MAML3: variants seen among roughly 807,000 people sequenced by gnomAD.
MAML3 encodes the protein mastermind-like protein 3.
A neutral mutation model predicts 101.9 loss-of-function variants in MAML3; 27 were observed. That is an observed-to-expected ratio of 0.27 (90% CI 0.20 to 0.37). The LOEUF is 0.37. Ranked by LOEUF, MAML3 falls within the 10% of genes least tolerant of loss-of-function variation. MAML3 has a pLI of 1.00. For synonymous variants in MAML3, 501 were observed against 555.9 expected (o/e 0.90, Z 1.39); for missense variants, 1,316 against 1,444.9 (o/e 0.91, Z 1.45).
intron 1 of MAML3, among the ~76,000 whole-genome samples, chr4:139,984,345 G>C (rs1734497698): frequency 6.6e-6 from 1 of 152,168 alleles, no homozygotes; most frequent in South Asian, 2.1e-4. Context: ...GAAAGAAAAG[G>C]ATAGTAACCA....
intron 2 of MAML3, among the ~76,000 whole-genome samples, chr4:139,877,682 T>G (rs991183075): frequency 2.0e-5 from 3 of 152,190 alleles, no homozygotes; most frequent in South Asian, 2.1e-4. Context: ...GCGAAAACTT[T>G]TTAAAAAATA....
intron 2 of MAML3, among the ~76,000 whole-genome samples, chr4:139,783,507 G>T (rs1336922067): frequency 6.6e-6 from 1 of 152,204 alleles, no homozygotes; most frequent in Non-Finnish European, 1.5e-5. Flanking sequence ...CTCAGAACCT[G>T]CCTTTCTGCT....
At chr4:139,948,004 G>A (rs1733761918) in intron 1 of MAML3, among the ~76,000 whole-genome samples, 1 of 152,090 alleles carries the variant, frequency 6.6e-6, no homozygotes, top group Admixed American at 6.5e-5. Flanking sequence ...GGGAGGCTGA[G>A]GCAGGAGAAT....
chr4:139,803,488 A>G (rs950781960), intron 2 of MAML3, among the ~76,000 whole-genome samples: 3 of 152,210 alleles, frequency 2.0e-5, no homozygotes, highest in Non-Finnish European at 2.9e-5. Flanking sequence ...AACTTCTGTC[A>G]GCAGGCGTTT....
At chr4:139,958,405 CAG>C (rs1451925219) in intron 1 of MAML3, among the ~76,000 whole-genome samples, 2 of 152,150 alleles carry the variant, frequency 1.3e-5, no homozygotes, top group African/African-American at 4.8e-5. Flanking sequence ...ATGAATATGG[CAG>C]AGTTTCTATT....
intron 1 of MAML3, among the ~76,000 whole-genome samples, chr4:140,151,293 G>A (rs953720542): frequency 4.6e-5 from 7 of 152,090 alleles, no homozygotes; most frequent in African/African-American, 1.2e-4. Context: ...GGGAGGGGAG[G>A]GAGGAGGGGT....
intron 2 of MAML3, among the ~76,000 whole-genome samples, chr4:139,804,370 G>A (rs974261937): frequency 4.6e-5 from 7 of 151,666 alleles, no homozygotes; most frequent in East Asian, 1.9e-4. Context: ...GGGTTCAAGC[G>A]ATTCTCCTGC....
At chr4:139,860,169 C>G (rs1424206895) in intron 2 of MAML3, among the ~76,000 whole-genome samples, 1 of 152,252 alleles carries the variant, frequency 6.6e-6, no homozygotes, top group Non-Finnish European at 1.5e-5. Flanking sequence ...CCTCCCAAGC[C>G]GCAGAGGCGT....
intron 1 of MAML3, among the ~76,000 whole-genome samples, chr4:139,955,871 T>C (rs772697718): frequency 1.3e-5 from 2 of 152,182 alleles, no homozygotes; most frequent in Admixed American, 1.3e-4. Context: ...CATAACATAG[T>C]GGAGCTTCTG....
intron 1 of MAML3, among the ~76,000 whole-genome samples, chr4:140,114,929 G>T (rs1728492535): frequency 1.3e-5 from 2 of 152,042 alleles, no homozygotes. Context: ...ATTTACAGTT[G>T]CCCCAATTCT....
At chr4:139,929,697 G>A (rs777334656) in intron 1 of MAML3, among the ~76,000 whole-genome samples, 3 of 152,176 alleles carry the variant, frequency 2.0e-5, no homozygotes, top group African/African-American at 7.2e-5. Context: ...AAGCAATGGC[G>A]AGTCAGCTGC....
intron 1 of MAML3, among the ~76,000 whole-genome samples, chr4:140,043,874 T>C (rs1014903878): frequency 1.3e-5 from 2 of 152,228 alleles, no homozygotes; most frequent in African/African-American, 2.4e-5. Flanking sequence ...GTAGTTAATT[T>C]TTCCATGTAA....
intron 1 of MAML3, among the ~76,000 whole-genome samples, chr4:139,938,956 T>C (rs901997314): frequency 6.6e-6 from 1 of 152,232 alleles, no homozygotes; most frequent in African/African-American, 2.4e-5. Context: ...TTAATGCATA[T>C]ATGTCTAAAG....
chr4:140,121,764 G>A (rs1728609485), intron 1 of MAML3, among the ~76,000 whole-genome samples: 1 of 152,294 alleles, frequency 6.6e-6, no homozygotes, highest in Non-Finnish European at 1.5e-5. Flanking sequence ...CAATTTCATA[G>A]CACATGCCAC....
chr4:139,729,949 T>C (rs1229189284), intron 3 of MAML3, among the ~76,000 whole-genome samples: 2 of 152,286 alleles, frequency 1.3e-5, no homozygotes, highest in African/African-American at 4.8e-5. Context: ...CTATTGTTCC[T>C]GATCCATTGT....
intron 1 of MAML3, among the ~76,000 whole-genome samples, chr4:140,037,107 C>T (rs1025282946): frequency 9.2e-5 from 14 of 151,862 alleles, no homozygotes; most frequent in Non-Finnish European, 1.6e-4. Context: ...AGTCCACTGA[C>T]GATCATATAA....
In MAML3 at chr4:139,841,744, G is replaced by C. The variant is rs563318485; in HGVS notation, c.2079+47613C>G. 7.6e-4 allele frequency among the ~76,000 whole-genome samples: 116 copies of C among 152,322 alleles called. 1 individual carries two copies. The highest frequency in any genetic ancestry group is 1.4e-3 in the Non-Finnish European group (96 of 68,026). ...CAACAGTGAGAAGAAACAATGCTTT[G>C]TCTGATAGGTGTTGCTTGGTGCCAG... is the stretch of plus-strand genomic sequence containing the variant. On this transcript the variant is annotated intron_variant, in intron 2 of 4. Coordinates refer to ENST00000509479, the MANE Select transcript of MAML3 (RefSeq NM_018717.5).
intron 1 of MAML3, among the ~76,000 whole-genome samples, chr4:139,953,053 T>C (rs1057016974): frequency 9.2e-5 from 14 of 152,206 alleles, no homozygotes; most frequent in Non-Finnish European, 2.1e-4. Flanking sequence ...CACTAAGTGA[T>C]GTCAGAGGGA....
intron 2 of MAML3, among the ~76,000 whole-genome samples, chr4:139,766,287 T>A (rs1729858562): frequency 6.6e-6 from 1 of 152,144 alleles, no homozygotes; most frequent in Non-Finnish European, 1.5e-5. Context: ...TTCTCCTGCC[T>A]CAGCCTCCTG....
Sources: gnomAD v4.1 joint callset for allele counts (sites outside exome capture counted in the v4.1 genomes callset) on GRCh38, gnomAD v4.1.1 for gene constraint, MANE v1.5 for transcripts, NCBI Gene and HGNC (gene_info 2026-07-23, HGNC 2026-07-21) for gene names.